UBA6: variants seen among roughly 807,000 people sequenced by gnomAD.
UBA6 encodes the protein ubiquitin like modifier activating enzyme 6.
In UBA6, 87 loss-of-function variants were observed where a neutral mutation model predicts 148.3. The observed-to-expected ratio is 0.59, with a 90% confidence interval of 0.49 to 0.70. The LOEUF is 0.70. UBA6 is among the 30% of genes least tolerant of loss of function. The probability of loss-of-function intolerance (pLI) is 0.00; values close to 1 mark genes in which losing one functional copy is unlikely to be tolerated. For synonymous variants in UBA6, 376 were observed against 401.0 expected, an observed-to-expected ratio of 0.94 and a Z score of 0.75; for missense variants, 1,186 against 1,241.2, an observed-to-expected ratio of 0.96 and a Z score of 0.67.
intron 2 of UBA6, among the ~76,000 whole-genome samples, chr4:67,694,833 T>C (rs1032908666): frequency 5.3e-5 from 8 of 152,206 alleles, no homozygotes; most frequent in African/African-American, 1.9e-4. Flanking sequence ...AAGGAAGATA[T>C]TAAAACTCAA....
intron 3 of UBA6, 30 bp from the exon 4 acceptor site, chr4:67,681,621 C>A: frequency 1.3e-6 from 2 of 1,538,674 alleles, no homozygotes; most frequent in South Asian, 2.4e-5. Context: ...AGGAATAGCT[C>A]AATATTGGGA....
chr4:67,678,547 A>G lies in UBA6; in HGVS notation c.259-14T>C. Reference sequence around the variant, plus strand: ...AATTGTAACTGCCTTCAAAAAAGAAAAAAGTATTGGTTGAAGTCAGGAGTT... The same window carrying G: ...AATTGTAACTGCCTTCAAAAAAGAAGAAAGTATTGGTTGAAGTCAGGAGTT... On this transcript the variant is annotated splice_polypyrimidine_tract_variant and intron_variant, in intron 4 of 32. Transcript: ENST00000322244. The G allele has an allele frequency of 1.3e-6, 2 of 1,543,920 alleles. No individual in the cohort carries two copies. The highest frequency in any genetic ancestry group is 1.4e-5 in the African/African-American group (1 of 73,228).
intron 7 of UBA6, among the ~76,000 whole-genome samples, chr4:67,672,419 C>T (rs547039780): frequency 5.9e-5 from 9 of 152,070 alleles, no homozygotes; most frequent in African/African-American, 9.7e-5. Flanking sequence ...ATAAAAAGTT[C>T]GAGTGTGCAG....
intron 29 of UBA6, 55 bp downstream of exon 29, chr4:67,624,939 T>C: frequency 6.9e-7 from 1 of 1,458,628 alleles, no homozygotes; most frequent in Non-Finnish European, 9.4e-7. Context: ...GACGGGGAAG[T>C]CAGGGAAGAG....
intron 1 of UBA6, among the ~76,000 whole-genome samples, chr4:67,698,786 C>A (rs1332141339): frequency 6.6e-6 from 1 of 152,116 alleles, no homozygotes; most frequent in Non-Finnish European, 1.5e-5. Context: ...GTGGTGAAAC[C>A]CTGTCTCTAC....
At chr4:67,696,545 A>G (rs895178423) in intron 2 of UBA6, 100 bp downstream of exon 2, 33 of 866,452 alleles carry the variant, frequency 3.8e-5, no homozygotes, top group Non-Finnish European at 5.1e-5. Context: ...ACACACACAT[A>G]TAATTCTGCA....
At chr4:67,668,342 GT>G (rs1730058729) in intron 9 of UBA6, among the ~76,000 whole-genome samples, 1 of 152,108 alleles carries the variant, frequency 6.6e-6, no homozygotes, top group Admixed American at 6.6e-5. Flanking sequence ...AACTGGGTAG[GT>G]TTCCCTGCTA....
In UBA6 at chr4:67,672,111, C is replaced by A. The variant is rs376722785; in HGVS notation, c.547-1519G>T. Among the ~76,000 whole-genome samples, 23 of 152,176 alleles carry A rather than the reference C, an allele frequency of 1.5e-4. 1 individual carries two copies. Among genetic ancestry groups the A allele is most frequent in the East Asian group, 1.2e-3 (6 of 5,194 alleles). ...ACTACTGCAGTAACTGCTAACTAGT[C>A]TAGCTGCCTCTACTCTACTCTTATA... On this transcript the variant is annotated intron_variant, in intron 7 of 32. Transcript: ENST00000322244.
At chr4:67,662,879 A>AT (rs916513447) in intron 12 of UBA6, 26 of 312,340 alleles carry the variant, frequency 8.3e-5, no homozygotes, top group Non-Finnish European at 1.2e-4. Flanking sequence ...AATTCTCAGA[A>AT]TTTTTTTTGT....
intron 3 of UBA6, among the ~76,000 whole-genome samples, 173 bp from the exon 4 acceptor site, chr4:67,681,764 T>C (rs1730445456): frequency 6.6e-6 from 1 of 152,158 alleles, no homozygotes; most frequent in Non-Finnish European, 1.5e-5. Context: ...GTGAAAAAAT[T>C]AAAATGTGCA....
In UBA6 at chr4:67,667,786, C is replaced by T. The variant is rs927628855; in HGVS notation, c.793+765G>A. 2.6e-4 allele frequency among the ~76,000 whole-genome samples: 39 copies of T among 152,138 alleles called. 1 individual carries two copies. The highest frequency in any genetic ancestry group is 4.4e-4 in the Non-Finnish European group (30 of 68,028). Reference sequence around the variant, plus strand: ...GACATCTTTCCATTTTTAAGAATGTCTACTTTCCTCCTGGTTTCGGCACCT... The same window carrying T: ...GACATCTTTCCATTTTTAAGAATGTTTACTTTCCTCCTGGTTTCGGCACCT... On this transcript the variant is annotated intron_variant, in intron 9 of 32. Coordinates refer to ENST00000322244, the MANE Select transcript of UBA6 (RefSeq NM_018227.6).
At position 67,634,579 on chromosome 4, in the gene UBA6, T is replaced by C. The variant is rs549154665; in HGVS notation, c.1843-61A>G. 3 of 1,248,602 alleles carry C rather than the reference T, an allele frequency of 2.4e-6. No homozygotes were observed. The South Asian group carries it at 4.9e-5, about 20-fold the overall frequency. The allele number at this position is 1,248,602 out of a possible 1,614,324, so 77.3% of individuals were successfully genotyped here. ...GAAGCAATGACCAATTTTTATTGAT[T>C]TAATCTAGTTTTGAGCTTTAAGCCT... On this transcript the variant is annotated intron_variant, in intron 20 of 32. Transcript: ENST00000322244.
intron 13 of UBA6, among the ~76,000 whole-genome samples, chr4:67,652,364 T>G (rs1322477195): frequency 1.3e-5 from 2 of 152,096 alleles, no homozygotes; most frequent in Non-Finnish European, 2.9e-5. Flanking sequence ...GCCAGTGATA[T>G]GAAAATGAAA....
chr4:67,624,593 A>G (rs987238677), intron 29 of UBA6, among the ~76,000 whole-genome samples: 9 of 152,102 alleles, frequency 5.9e-5, no homozygotes, highest in Admixed American at 4.6e-4. Context: ...AGCTTCATAG[A>G]TAATTACATA....
At chr4:67,647,877 G>T (rs552271316) in intron 14 of UBA6, among the ~76,000 whole-genome samples, 51 of 150,024 alleles carry the variant, frequency 3.4e-4, no homozygotes, top group Non-Finnish European at 6.5e-4. Flanking sequence ...AGGTTCAAGC[G>T]ATTCTCCTGC....
intron 16 of UBA6, 23 bp from the exon 17 acceptor site, chr4:67,644,801 A>G: frequency 4.7e-6 from 6 of 1,287,820 alleles, no homozygotes; most frequent in Non-Finnish European, 4.5e-6. Context: ...AAAATGGTAT[A>G]TATCAGATTA....
intron 10 of UBA6, among the ~76,000 whole-genome samples, chr4:67,664,669 G>A (rs1443607348): frequency 6.6e-6 from 1 of 151,962 alleles, no homozygotes; most frequent in African/African-American, 2.4e-5. Flanking sequence ...TGCTTTCAAT[G>A]CCAGTCGTTT....
In UBA6 at chr4:67,623,279, GAC is replaced by G. The variant is rs1553904479; in HGVS notation, c.2841-59_2841-58del. 2.3e-5 allele frequency: 31 copies of G among 1,327,084 alleles called. No homozygotes were observed. In the East Asian group the frequency reaches 2.3e-4, roughly 10 times the overall value. 82.2% of individuals were successfully genotyped at this position (1,327,084 alleles called of 1,614,324 possible). On this transcript the variant is annotated intron_variant, in intron 30 of 32. Transcript: ENST00000322244. ...TTGAAATTTTCTTCCTTTTAGTGAT[GAC>G]ACACACACAAAAAAAACCCACTTTC... is the stretch of plus-strand genomic sequence containing the variant.
At chr4:67,635,334 A>T in intron 20 of UBA6, 119 bp downstream of exon 20, 1 of 605,282 alleles carries the variant, frequency 1.7e-6, no homozygotes, top group Non-Finnish European at 2.9e-6. Context: ...GCACATATGT[A>T]TGAACATCAT....
Sources: allele counts gnomAD v4.1 joint callset (sites outside exome capture counted in the v4.1 genomes callset), GRCh38; gene constraint gnomAD v4.1.1; transcripts MANE v1.5; gene names NCBI Gene and HGNC (gene_info 2026-07-23, HGNC 2026-07-21).